Variants in MYRIP observed in about 807,000 individuals in gnomAD.
The protein encoded by MYRIP is myosin VIIA and Rab interacting protein, also known as rab effector MyRIP.
Under a neutral mutation model 98.0 loss-of-function variants are expected in MYRIP, and 49 were observed. That is an observed-to-expected ratio of 0.50 (90% CI 0.40 to 0.63). MYRIP has a LOEUF of 0.63. MYRIP is among the 30% of genes least tolerant of loss of function. The probability of loss-of-function intolerance (pLI) is 0.00; values close to 1 mark genes in which losing one functional copy is unlikely to be tolerated. For missense variants in MYRIP, 1,004 were observed against 1,058.2 expected, an observed-to-expected ratio of 0.95 and a Z score of 0.71; for synonymous variants, 404 against 409.5, an observed-to-expected ratio of 0.99 and a Z score of 0.16.
At chr3:39,879,882 T>C (rs73074744) in intron 1 of MYRIP, among the ~76,000 whole-genome samples, 5,030 of 152,202 alleles carry the variant, frequency 0.033, 123 homozygotes, top group Non-Finnish European at 0.042. Context: ...CTCCTTTCTT[T>C]CTGGGTTCCC....
intron 1 of MYRIP, among the ~76,000 whole-genome samples, chr3:39,816,078 C>CTTTTTTTT (rs11382431): frequency 7.0e-6 from 1 of 143,280 alleles, no homozygotes; most frequent in Non-Finnish European, 1.5e-5. Flanking sequence ...TTCTTTTTTT[C>CTTTTTTTT]TTTTTTTTTT....
chr3:40,080,795 T>C lies in MYRIP; in HGVS notation c.332+36524T>C, dbSNP rs1448880308. 1.2e-3 allele frequency among the ~76,000 whole-genome samples: 94 copies of C among 81,158 alleles called. 1 individual carries two copies. Among genetic ancestry groups the C allele is most frequent in the African/African-American group, 3.3e-3 (86 of 26,166 alleles). 53.2% of individuals were successfully genotyped at this position (81,158 alleles called of 152,430 possible). A position where few individuals can be genotyped will look rare whatever the true frequency, so the allele number is the denominator to read the frequency against. On this transcript the variant is annotated intron_variant, in intron 3 of 16. Transcript: ENST00000302541. ...AATTGTTTTCTATCCTAACTTCTTT[T>C]TTTTTTTTTTTTTTTTTTTGCTTCC...
intron 10 of MYRIP, among the ~76,000 whole-genome samples, chr3:40,204,171 T>TATATATAATATA (rs1553626866): frequency 5.7e-5 from 2 of 34,888 alleles, no homozygotes; most frequent in African/African-American, 2.0e-4. Context: ...ATATAATATT[T>TATATATAATATA]ATATATTATA....
intron 11 of MYRIP, among the ~76,000 whole-genome samples, chr3:40,216,460 A>T (rs997032954): frequency 8.5e-5 from 13 of 152,136 alleles, no homozygotes; most frequent in African/African-American, 3.1e-4. Context: ...AAAGAAGGAA[A>T]AACATGTACA....
At chr3:39,977,000 CT>C in intron 2 of MYRIP, among the ~76,000 whole-genome samples, 2 of 152,004 alleles carry the variant, frequency 1.3e-5, no homozygotes, top group Non-Finnish European at 2.9e-5. Flanking sequence ...ACATATGTAA[CT>C]AACCTGCACG....
chr3:39,975,962 A>G (rs1447304438), intron 2 of MYRIP, among the ~76,000 whole-genome samples: 5 of 152,154 alleles, frequency 3.3e-5, no homozygotes, highest in South Asian at 4.1e-4. Flanking sequence ...GAAAACCTAG[A>G]CAATACCATT....
chr3:39,879,006 C>T (rs543807994), intron 1 of MYRIP, among the ~76,000 whole-genome samples: 110 of 151,782 alleles, frequency 7.2e-4, no homozygotes, highest in Non-Finnish European at 1.4e-3. Context: ...GCGGAGGTTG[C>T]AGTGAGCCAA....
intron 1 of MYRIP, among the ~76,000 whole-genome samples, chr3:39,833,838 T>A (rs1941544967): frequency 6.6e-6 from 1 of 152,136 alleles, no homozygotes; most frequent in South Asian, 2.1e-4. Context: ...CTGGCCAACA[T>A]GGTGAAACCC....
intron 3 of MYRIP, among the ~76,000 whole-genome samples, chr3:40,074,748 T>C (rs1948306662): frequency 6.6e-6 from 1 of 152,130 alleles, no homozygotes; most frequent in African/African-American, 2.4e-5. Flanking sequence ...ATCCAAAATA[T>C]ACAAAGAACT....
intron 1 of MYRIP, among the ~76,000 whole-genome samples, chr3:39,893,032 T>C (rs544337752): frequency 6.6e-6 from 1 of 152,220 alleles, no homozygotes; most frequent in South Asian, 2.1e-4. Flanking sequence ...TCTCAGCTGA[T>C]GTTATCAAAC....
At chr3:40,184,594 AAAAC>A (rs1295067476) in intron 9 of MYRIP, among the ~76,000 whole-genome samples, 5 of 152,216 alleles carry the variant, frequency 3.3e-5, no homozygotes, top group African/African-American at 1.2e-4. Flanking sequence ...CTCTACCATA[AAAAC>A]AAACAAACAA....
intron 2 of MYRIP, among the ~76,000 whole-genome samples, chr3:40,040,538 A>G (rs1376473017): frequency 1.5e-5 from 1 of 66,490 alleles, no homozygotes; most frequent in African/African-American, 5.9e-5. Flanking sequence ...ACGTATGTTT[A>G]TTGCGGCACT....
chr3:39,949,699 C>T (rs1944968079), intron 2 of MYRIP, among the ~76,000 whole-genome samples: 1 of 152,090 alleles, frequency 6.6e-6, no homozygotes, highest in Non-Finnish European at 1.5e-5. Context: ...TGACATTGAT[C>T]TGACTTTGAG....
At chr3:40,244,362 C>T in intron 12 of MYRIP, 84 bp from the exon 13 acceptor site, 2 of 1,299,658 alleles carry the variant, frequency 1.5e-6, no homozygotes, top group Non-Finnish European at 1.0e-6. Context: ...TCTCACTCCC[C>T]TGAATTGCTG....
At chr3:40,021,764 A>G (rs1430997690) in intron 2 of MYRIP, among the ~76,000 whole-genome samples, 1 of 152,198 alleles carries the variant, frequency 6.6e-6, no homozygotes, top group African/African-American at 2.4e-5. Flanking sequence ...ATTTATTTGT[A>G]TATATTATTA....
At chr3:39,972,020 T>C (rs1224809224) in intron 2 of MYRIP, among the ~76,000 whole-genome samples, 2 of 152,146 alleles carry the variant, frequency 1.3e-5, no homozygotes, top group African/African-American at 4.8e-5. Context: ...TTGACGCTTA[T>C]GGTTCTTTGC....
intron 3 of MYRIP, among the ~76,000 whole-genome samples, chr3:40,097,149 A>G (rs1158466618): frequency 6.6e-6 from 1 of 152,236 alleles, no homozygotes; most frequent in African/African-American, 2.4e-5. Context: ...TCTGTATAAT[A>G]GCTAAAATTA....
chr3:39,848,228 G>A (rs1942027917), intron 1 of MYRIP, among the ~76,000 whole-genome samples: 1 of 152,174 alleles, frequency 6.6e-6, no homozygotes, highest in African/African-American at 2.4e-5. Context: ...GTTTCCTCAT[G>A]CTATTGCAAA....
At chr3:39,943,337 C>T (rs1030158166) in intron 2 of MYRIP, among the ~76,000 whole-genome samples, 26 of 152,238 alleles carry the variant, frequency 1.7e-4, no homozygotes, top group African/African-American at 6.0e-4. Flanking sequence ...TGAGGAAAAA[C>T]AAATGGAAAA....
Sources: gnomAD v4.1 joint callset for allele counts (sites outside exome capture counted in the v4.1 genomes callset) on GRCh38, gnomAD v4.1.1 for gene constraint, MANE v1.5 for transcripts, NCBI Gene and HGNC (gene_info 2026-07-23, HGNC 2026-07-21) for gene names.